The following FBXO21 variants were observed in gnomAD, a reference collection of about 807,000 sequenced individuals.
FBXO21 encodes F-box protein 21, also known as F-box only protein 21.
Under a neutral mutation model 76.6 loss-of-function variants are expected in FBXO21, and 32 were observed. That is an observed-to-expected ratio of 0.42 (90% CI 0.32 to 0.56). The LOEUF (loss-of-function observed/expected upper bound fraction) is 0.56, where lower values mean the gene tolerates loss of function less well. FBXO21 is among the 20% of genes least tolerant of loss of function. The pLI is 0.16. For synonymous variants in FBXO21, 328 were observed against 311.5 expected (o/e 1.05, Z -0.56); for missense variants, 586 against 797.3 (o/e 0.73, Z 3.19).
intron 3 of FBXO21, 84 bp downstream of exon 3, chr12:117,186,393 T>G (rs2135888573): frequency 3.2e-6 from 3 of 925,350 alleles, no homozygotes; most frequent in East Asian, 4.8e-5. Flanking sequence ...AATCACATAT[T>G]CCAGGGTTTA....
chr12:117,142,071 A>C lies in FBXO21; in HGVS notation c.*4016T>G, dbSNP rs1352080195. The C allele has an allele frequency of 6.6e-6, 1 of 152,136 alleles. No homozygotes were observed. The highest frequency in any genetic ancestry group is 1.5e-5 in the Non-Finnish European group (1 of 68,030). The allele number at this position is 152,136 out of a possible 1,614,324, so 9.4% of individuals were successfully genotyped here. On this transcript the variant is annotated 3_prime_UTR_variant, in exon 12 of 12. Coordinates refer to ENST00000622495, the MANE Select transcript of FBXO21 (RefSeq NM_015002.3). ...TACGTGGCCATAATACATGTATTCT[A>C]TAATTGCGCCTAATTTTATTCACCG...
intron 11 of FBXO21, 40 bp from the exon 12 acceptor site, chr12:117,146,317 T>C (rs755996866): frequency 6.6e-7 from 1 of 1,516,154 alleles, no homozygotes; most frequent in Non-Finnish European, 9.0e-7. Context: ...CATTACAATG[T>C]CCATTGCTGC....
chr12:117,146,341 C>T, intron 11 of FBXO21, 64 bp from the exon 12 acceptor site: 4 of 1,397,730 alleles, frequency 2.9e-6, no homozygotes, highest in Non-Finnish European at 3.9e-6. Flanking sequence ...ACCTTTCATC[C>T]AGAGAACCTC....
intron 11 of FBXO21, among the ~76,000 whole-genome samples, chr12:117,153,860 T>C (rs1294043842): frequency 6.6e-6 from 1 of 152,248 alleles, no homozygotes. Context: ...CAAGCAGATA[T>C]TAATTTTTTC....
chr12:117,142,673 C>CAAAAAAAAAAAAAAA lies in FBXO21; in HGVS notation c.*3399_*3413dup, dbSNP rs761025781. 1 of 100,682 alleles carries CAAAAAAAAAAAAAAA rather than the reference C, an allele frequency of 9.9e-6. No homozygotes were observed. 6.2% of individuals were successfully genotyped at this position (100,682 alleles called of 1,614,324 possible). On this transcript the variant is annotated 3_prime_UTR_variant, in exon 12 of 12. Coordinates refer to ENST00000622495, the MANE Select transcript of FBXO21 (RefSeq NM_015002.3). ...TCCAGTTGATGTCTCTCCTTCCCTC[C>CAAAAAAAAAAAAAAA]AAAAAAAAAAAAAAAAAAAAAAGAC... is the stretch of plus-strand genomic sequence containing the variant.
intron 11 of FBXO21, among the ~76,000 whole-genome samples, chr12:117,147,113 A>G (rs2135841056): frequency 6.6e-6 from 1 of 151,460 alleles, no homozygotes; most frequent in South Asian, 2.1e-4. Context: ...ATGGTGGTGC[A>G]CTCCTGTAGT....
chr12:117,169,094 C>G (rs1360454019), intron 7 of FBXO21, among the ~76,000 whole-genome samples: 2 of 152,096 alleles, frequency 1.3e-5, no homozygotes, highest in African/African-American at 4.8e-5. Flanking sequence ...CAGTGATAGA[C>G]TGGATAAAGA....
Position 117,151,191 on chromosome 12 carries a change from G to A in FBXO21, c.1675+4600C>T, listed in dbSNP as rs147751269. On this transcript the variant is annotated intron_variant, in intron 11 of 11. Transcript: ENST00000622495. ...TGAATTCCTGGCCTTTCAATACGGC[G>A]GCTGACCTAGACTCGGAGCTTCCGA... Among the ~76,000 whole-genome samples, 238 of 152,194 alleles carry A rather than the reference G, an allele frequency of 1.6e-3. 1 individual carries two copies. The highest frequency in any genetic ancestry group is 5.4e-3 in the African/African-American group (226 of 41,506).
intron 11 of FBXO21, among the ~76,000 whole-genome samples, chr12:117,147,069 C>A (rs1008516943): frequency 6.0e-5 from 9 of 150,192 alleles, no homozygotes; most frequent in African/African-American, 2.2e-4. Flanking sequence ...ATGGTGAAAC[C>A]CGTCTCTACT....
intron 7 of FBXO21, 145 bp from the exon 8 acceptor site, chr12:117,167,222 G>C: frequency 1.5e-6 from 1 of 667,322 alleles, no homozygotes. Flanking sequence ...TTTAAAATCT[G>C]ACCCCTTTGT....
intron 9 of FBXO21, among the ~76,000 whole-genome samples, chr12:117,163,866 C>T (rs1445451892): frequency 6.6e-6 from 1 of 152,010 alleles, no homozygotes; most frequent in Non-Finnish European, 1.5e-5. Context: ...ATTGCTTGAA[C>T]CTGGAAGGGA....
intron 3 of FBXO21, among the ~76,000 whole-genome samples, chr12:117,180,570 C>T (rs1045588803): frequency 4.6e-5 from 7 of 152,114 alleles, no homozygotes; most frequent in African/African-American, 9.7e-5. Context: ...CTTCATTCCA[C>T]ATCTCTCTCT....
At chr12:117,178,413 G>A (rs535667269) in intron 3 of FBXO21, among the ~76,000 whole-genome samples, 1 of 152,186 alleles carries the variant, frequency 6.6e-6, no homozygotes, top group South Asian at 2.1e-4. Context: ...CCCCTCCACA[G>A]TCCATCCTCA....
chr12:117,150,375 G>T (rs151312385), intron 11 of FBXO21, among the ~76,000 whole-genome samples: 17 of 152,270 alleles, frequency 1.1e-4, no homozygotes, highest in African/African-American at 4.1e-4. Context: ...TCCTGTGTGG[G>T]CACCTGTCCT....
intron 10 of FBXO21, among the ~76,000 whole-genome samples, chr12:117,156,907 G>C (rs1194956019): frequency 6.6e-6 from 1 of 152,186 alleles, no homozygotes; most frequent in Non-Finnish European, 1.5e-5. Context: ...AAATGGGCTG[G>C]GTGTGGTGGC....
At chr12:117,158,326 T>C (rs1256797746) in intron 9 of FBXO21, among the ~76,000 whole-genome samples, 1 of 152,062 alleles carries the variant, frequency 6.6e-6, no homozygotes, top group Non-Finnish European at 1.5e-5. Flanking sequence ...AGTGTCAACC[T>C]GAGGAGTTCT....
At chr12:117,163,808 T>C (rs1320845479) in intron 9 of FBXO21, among the ~76,000 whole-genome samples, 1 of 151,266 alleles carries the variant, frequency 6.6e-6, no homozygotes, top group Non-Finnish European at 1.5e-5. Context: ...TAGTCAGGCG[T>C]GGTGGTGTAG....
At chr12:117,154,673 C>T (rs1387262465) in intron 11 of FBXO21, among the ~76,000 whole-genome samples, 1 of 152,204 alleles carries the variant, frequency 6.6e-6, no homozygotes, top group Non-Finnish European at 1.5e-5. Flanking sequence ...GTTGCCCAGG[C>T]TGGTCTCCAA....
intron 3 of FBXO21, among the ~76,000 whole-genome samples, chr12:117,180,876 G>A (rs1171470945): frequency 6.6e-6 from 1 of 151,716 alleles, no homozygotes. Flanking sequence ...CTTGTGATCC[G>A]CCTACCTCAG....
Sources: allele counts gnomAD v4.1 joint callset (sites outside exome capture counted in the v4.1 genomes callset), GRCh38; gene constraint gnomAD v4.1.1; transcripts MANE v1.5; gene names NCBI Gene and HGNC (gene_info 2026-07-23, HGNC 2026-07-21).